Variants in ODAD2 observed in about 807,000 individuals in gnomAD.
The protein encoded by ODAD2 is outer dynein arm-docking complex subunit 2.
A neutral mutation model predicts 106.8 loss-of-function variants in ODAD2; 89 were observed. The ratio of observed to expected loss-of-function variants is 0.83; its 90% confidence interval spans 0.70 to 0.99. The LOEUF (loss-of-function observed/expected upper bound fraction) is 0.99. Among genes scored for constraint, ODAD2 ranks in the 50% least tolerant of loss-of-function variants. ODAD2 has a pLI of 0.00. For missense variants in ODAD2, 1,168 were observed against 1,238.5 expected (o/e 0.94, Z 0.85); for synonymous variants, 404 against 436.2 (o/e 0.93, Z 0.92).
At chr10:27,816,348 T>C (rs1028430739) in intron 19 of ODAD2, among the ~76,000 whole-genome samples, 2 of 152,218 alleles carry the variant, frequency 1.3e-5, no homozygotes, top group African/African-American at 4.8e-5. Flanking sequence ...GAAGATTCTG[T>C]TCTGTATGAG....
At chr10:27,865,134 G>C (rs1002861945) in intron 17 of ODAD2, among the ~76,000 whole-genome samples, 3 of 152,008 alleles carry the variant, frequency 2.0e-5, no homozygotes, top group Non-Finnish European at 4.4e-5. Flanking sequence ...GTGCACCCCT[G>C]GTTTATCTCT....
chr10:27,844,260 G>T (rs1838540615), intron 19 of ODAD2, among the ~76,000 whole-genome samples: 1 of 152,198 alleles, frequency 6.6e-6, no homozygotes, highest in African/African-American at 2.4e-5. Context: ...CAGCAAAGGA[G>T]GTTGGAAAAT....
chr10:27,857,413 T>C (rs1283602266), intron 19 of ODAD2, among the ~76,000 whole-genome samples: 1 of 152,188 alleles, frequency 6.6e-6, no homozygotes, highest in Non-Finnish European at 1.5e-5. Context: ...TCAAAAGTTA[T>C]ATGTGGATTT....
chr10:27,854,599 T>C (rs1314946937), intron 19 of ODAD2, among the ~76,000 whole-genome samples: 1 of 151,770 alleles, frequency 6.6e-6, no homozygotes, highest in Admixed American at 6.6e-5. Flanking sequence ...CTACCAAAAA[T>C]ACAAAAATTA....
In ODAD2 at chr10:27,924,005, AGAAAGAAAGAAAGAAAGAAG is replaced by A. The variant is rs1564509177; in HGVS notation, c.2495+10985_2495+11004del. On this transcript the variant is annotated intron_variant, in intron 16 of 19. Transcript: ENST00000305242. Reference sequence around the variant, plus strand: ...AAGAAAGAAAGAAAGAAAGAAAGAAAGAAAGAAAGAAAGAAAGAAGGAAAGAGAAAGAAAGAAGGAAAGAG... The same window carrying A: ...AAGAAAGAAAGAAAGAAAGAAAGAAAGAAAGAGAAAGAAAGAAGGAAAGAG... Among the ~76,000 whole-genome samples, 107 of 114,856 alleles carry A rather than the reference AGAAAGAAAGAAAGAAAGAAG, an allele frequency of 9.3e-4. 4 individuals carry two copies. The highest frequency in any genetic ancestry group is 4.3e-3 in the African/African-American group (103 of 24,014). 75.3% of individuals were successfully genotyped at this position (114,856 alleles called of 152,430 possible). A position where few individuals can be genotyped will look rare whatever the true frequency, so the allele number is the denominator to read the frequency against.
intron 16 of ODAD2, among the ~76,000 whole-genome samples, chr10:27,913,516 A>G (rs1844153461): frequency 6.6e-6 from 1 of 152,220 alleles, no homozygotes; most frequent in Non-Finnish European, 1.5e-5. Context: ...GCTTCTGCAC[A>G]GCAAAAGAAA....
intron 16 of ODAD2, among the ~76,000 whole-genome samples, chr10:27,932,749 C>A (rs1845700068): frequency 6.6e-6 from 1 of 152,130 alleles, no homozygotes; most frequent in Non-Finnish European, 1.5e-5. Flanking sequence ...CCAACTCCCA[C>A]CCAGTCACTC....
chr10:27,872,938 C>G (rs11971972), intron 17 of ODAD2, among the ~76,000 whole-genome samples: 1 of 152,156 alleles, frequency 6.6e-6, no homozygotes, highest in East Asian at 1.9e-4. Context: ...ATGGTCCCCG[C>G]TCCTCCTTGT....
At chr10:27,900,317 C>T (rs560483828) in intron 17 of ODAD2, among the ~76,000 whole-genome samples, 11 of 152,232 alleles carry the variant, frequency 7.2e-5, no homozygotes, top group African/African-American at 2.6e-4. Context: ...TGAAGGTCAC[C>T]AACCTCAAAG....
chr10:27,851,808 C>G (rs950869052), intron 19 of ODAD2, among the ~76,000 whole-genome samples: 1 of 152,032 alleles, frequency 6.6e-6, no homozygotes, highest in Admixed American at 6.6e-5. Flanking sequence ...AAACCACAAG[C>G]CCACAGATCT....
At chr10:27,852,632 G>A (rs979379148) in intron 19 of ODAD2, among the ~76,000 whole-genome samples, 9 of 152,078 alleles carry the variant, frequency 5.9e-5, no homozygotes, top group Non-Finnish European at 1.2e-4. Flanking sequence ...AAGCAGATGG[G>A]AAAAATAGAA....
At chr10:27,976,821 T>C (rs904732786) in intron 7 of ODAD2, among the ~76,000 whole-genome samples, 1 of 152,102 alleles carries the variant, frequency 6.6e-6, no homozygotes, top group African/African-American at 2.4e-5. Flanking sequence ...CATTGGAGGA[T>C]TTAAAATAAA....
At chr10:27,938,914 T>C (rs1230967517) in intron 14 of ODAD2, among the ~76,000 whole-genome samples, 1 of 152,148 alleles carries the variant, frequency 6.6e-6, no homozygotes, top group Non-Finnish European at 1.5e-5. Flanking sequence ...TGTATCTTTT[T>C]GGCATACTCT....
chr10:27,847,717 G>C (rs1838887744), intron 19 of ODAD2, among the ~76,000 whole-genome samples: 1 of 152,118 alleles, frequency 6.6e-6, no homozygotes, highest in Non-Finnish European at 1.5e-5. Context: ...AGCAACTTCA[G>C]CAAAGTCTCA....
At chr10:27,837,255 G>T (rs1353937624) in intron 19 of ODAD2, among the ~76,000 whole-genome samples, 2 of 152,092 alleles carry the variant, frequency 1.3e-5, no homozygotes, top group African/African-American at 4.8e-5. Context: ...CTATCGTGGG[G>T]GCCATCCTGG....
At chr10:27,911,240 T>C (rs1159879418) in intron 16 of ODAD2, among the ~76,000 whole-genome samples, 2 of 152,148 alleles carry the variant, frequency 1.3e-5, no homozygotes, top group African/African-American at 2.4e-5. Context: ...CTGTTCACAG[T>C]GTGAGAGCTG....
intron 17 of ODAD2, among the ~76,000 whole-genome samples, chr10:27,892,826 T>C (rs1266404350): frequency 6.6e-6 from 1 of 152,216 alleles, no homozygotes; most frequent in Non-Finnish European, 1.5e-5. Context: ...CAATCACTGA[T>C]AGGTAGCTTT....
At chr10:27,869,827 G>C (rs1589868712) in intron 17 of ODAD2, among the ~76,000 whole-genome samples, 1 of 152,056 alleles carries the variant, frequency 6.6e-6, no homozygotes, top group Non-Finnish European at 1.5e-5. Context: ...GAGCCACCAT[G>C]CCTGGCCGAC....
intron 16 of ODAD2, among the ~76,000 whole-genome samples, chr10:27,912,156 T>C (rs1421602092): frequency 6.6e-6 from 1 of 152,212 alleles, no homozygotes; most frequent in Non-Finnish European, 1.5e-5. Flanking sequence ...CACTCTCCAT[T>C]TTCAACAGGT....
Sources: allele counts gnomAD v4.1 joint callset (sites outside exome capture counted in the v4.1 genomes callset), GRCh38; gene constraint gnomAD v4.1.1; transcripts MANE v1.5; gene names NCBI Gene and HGNC (gene_info 2026-07-23, HGNC 2026-07-21).